The following GHR variants were observed in gnomAD, a reference collection of about 807,000 sequenced individuals.
The protein encoded by GHR is growth hormone receptor.
Under a neutral mutation model 67.1 loss-of-function variants are expected in GHR, and 35 were observed. That is an observed-to-expected ratio of 0.52 (90% confidence interval 0.40 to 0.69). The LOEUF (loss-of-function observed/expected upper bound fraction) is 0.69, where lower values mean the gene tolerates loss of function less well. GHR is among the 30% of genes least tolerant of loss of function. The pLI is 0.00. For missense variants in GHR, 792 were observed against 764.6 expected, an observed-to-expected ratio of 1.04 and a Z score of -0.42; for synonymous variants, 272 against 269.1, an observed-to-expected ratio of 1.01 and a Z score of -0.10.
At chr5:42,655,776 C>T (rs917969160) in intron 3 of GHR, among the ~76,000 whole-genome samples, 1 of 151,936 alleles carries the variant, frequency 6.6e-6, no homozygotes, top group African/African-American at 2.4e-5. Flanking sequence ...ACAATGTATA[C>T]TAAGTTAAAG....
At chr5:42,558,580 A>C (rs890706997) in intron 1 of GHR, among the ~76,000 whole-genome samples, 1 of 152,232 alleles carries the variant, frequency 6.6e-6, no homozygotes, top group Non-Finnish European at 1.5e-5. Flanking sequence ...TTCTATGTTT[A>C]GATATGTCTA....
chr5:42,436,528 A>G (rs899182057), intron 1 of GHR, among the ~76,000 whole-genome samples: 25 of 152,214 alleles, frequency 1.6e-4, no homozygotes, highest in Non-Finnish European at 3.4e-4. Context: ...GTAGATATCC[A>G]CATAAATTGA....
chr5:42,621,310 A>G (rs1753432719), intron 2 of GHR, among the ~76,000 whole-genome samples: 1 of 152,072 alleles, frequency 6.6e-6, no homozygotes, highest in Admixed American at 6.6e-5. Flanking sequence ...ACCACCACCA[A>G]TGTGTTCCCT....
At chr5:42,615,619 T>A (rs1169445625) in intron 2 of GHR, among the ~76,000 whole-genome samples, 1 of 89,150 alleles carries the variant, frequency 1.1e-5, no homozygotes, top group African/African-American at 6.9e-5. Context: ...ATCATCCCCT[T>A]ACCTTTATGT....
chr5:42,575,654 T>C (rs551817482), intron 2 of GHR, among the ~76,000 whole-genome samples: 1 of 151,122 alleles, frequency 6.6e-6, no homozygotes, highest in South Asian at 2.1e-4. Context: ...TAAAGCTGGC[T>C]CCAGCAGCCT....
chr5:42,694,401 A>G (rs887717342), intron 4 of GHR, among the ~76,000 whole-genome samples: 1 of 152,200 alleles, frequency 6.6e-6, no homozygotes, highest in Middle Eastern at 3.4e-3. Flanking sequence ...CATCTTACTT[A>G]TCTTTATATC....
chr5:42,701,651 A>G (rs1018196792), intron 6 of GHR, among the ~76,000 whole-genome samples: 1 of 152,194 alleles, frequency 6.6e-6, no homozygotes, highest in East Asian at 1.9e-4. Context: ...AATGGAAAAA[A>G]TTTGACTTTT....
At chr5:42,535,769 T>G (rs1328563072) in intron 1 of GHR, among the ~76,000 whole-genome samples, 3 of 152,204 alleles carry the variant, frequency 2.0e-5, no homozygotes, top group Non-Finnish European at 4.4e-5. Context: ...TTTCACAATA[T>G]TGATTCTACC....
intron 2 of GHR, among the ~76,000 whole-genome samples, chr5:42,620,865 C>T (rs1490541173): frequency 6.6e-6 from 1 of 152,210 alleles, no homozygotes; most frequent in South Asian, 2.1e-4. Context: ...TCTATGATAA[C>T]ATTATAAGGG....
intron 1 of GHR, among the ~76,000 whole-genome samples, chr5:42,541,945 A>C (rs1438294807): frequency 6.6e-6 from 1 of 152,202 alleles, no homozygotes; most frequent in Non-Finnish European, 1.5e-5. Context: ...ACGCCTATAA[A>C]ACATTCAAAG....
chr5:42,506,879 T>A (rs1308373775), intron 1 of GHR, among the ~76,000 whole-genome samples: 3 of 152,214 alleles, frequency 2.0e-5, no homozygotes, highest in Non-Finnish European at 4.4e-5. Context: ...CATAAACAGT[T>A]GATTATTAAG....
intron 6 of GHR, among the ~76,000 whole-genome samples, chr5:42,704,309 T>C (rs1028104929): frequency 6.6e-6 from 1 of 152,080 alleles, no homozygotes; most frequent in African/African-American, 2.4e-5. Context: ...TCTGTTGAGA[T>C]GGTTCCATGG....
chr5:42,504,271 T>G (rs1473695806), intron 1 of GHR, among the ~76,000 whole-genome samples: 3 of 152,140 alleles, frequency 2.0e-5, no homozygotes, highest in Non-Finnish European at 4.4e-5. Context: ...GTTTACCTGA[T>G]TTTATGCCCA....
At chr5:42,652,959 T>C (rs1267609233) in intron 3 of GHR, among the ~76,000 whole-genome samples, 3 of 152,178 alleles carry the variant, frequency 2.0e-5, no homozygotes, top group African/African-American at 7.2e-5. Flanking sequence ...AACTTTGAAG[T>C]AGGACTTCCT....
At chr5:42,593,347 G>A (rs931868880) in intron 2 of GHR, among the ~76,000 whole-genome samples, 1 of 152,090 alleles carries the variant, frequency 6.6e-6, no homozygotes, top group Non-Finnish European at 1.5e-5. Context: ...AAGGATGTGG[G>A]GCATTAGGCC....
At chr5:42,636,288 G>T (rs1209617633) in intron 3 of GHR, among the ~76,000 whole-genome samples, 1 of 150,750 alleles carries the variant, frequency 6.6e-6, no homozygotes, top group Non-Finnish European at 1.5e-5. Context: ...GTATGCCTAT[G>T]TACACTCTAT....
At chr5:42,534,168 A>G (rs13154707) in intron 1 of GHR, among the ~76,000 whole-genome samples, 7,780 of 88,788 alleles carry the variant, frequency 0.088, 398 homozygotes, top group African/African-American at 0.2. Flanking sequence ...ATATGTACAT[A>G]TGTATATATG....
intron 1 of GHR, among the ~76,000 whole-genome samples, chr5:42,480,044 G>A (rs375366504): frequency 6.6e-6 from 1 of 151,976 alleles, no homozygotes; most frequent in South Asian, 2.1e-4. Context: ...ATTTCCCTCT[G>A]CACACTGCTT....
chr5:42,426,564 A>G (rs1283107199), intron 1 of GHR, among the ~76,000 whole-genome samples: 1 of 152,198 alleles, frequency 6.6e-6, no homozygotes, highest in Non-Finnish European at 1.5e-5. Context: ...TAATGTGTTT[A>G]TGTGTGTCCA....
Sources: gnomAD v4.1 joint callset for allele counts (sites outside exome capture counted in the v4.1 genomes callset) on GRCh38, gnomAD v4.1.1 for gene constraint, MANE v1.5 for transcripts, NCBI Gene and HGNC (gene_info 2026-07-23, HGNC 2026-07-21) for gene names.